Variants in MARCHF1 observed in about 807,000 individuals in gnomAD.
The protein encoded by MARCHF1 is membrane associated ring-CH-type finger 1.
A neutral mutation model predicts 54.2 loss-of-function variants in MARCHF1; 40 were observed. The ratio of observed to expected loss-of-function variants is 0.74; its 90% confidence interval spans 0.57 to 0.96. The LOEUF is 0.96. MARCHF1 is among the 40% of genes least tolerant of loss of function. The pLI is 0.00. For missense variants in MARCHF1, 586 were observed against 656.5 expected (o/e 0.89, Z 1.17); for synonymous variants, 236 against 236.3 (o/e 1.00, Z 0.01).
intron 1 of MARCHF1, among the ~76,000 whole-genome samples, chr4:164,360,999 A>G (rs2110924792): frequency 6.6e-6 from 1 of 151,796 alleles, no homozygotes; most frequent in Non-Finnish European, 1.5e-5. Context: ...CTGTACCATA[A>G]TGACCCTAGA....
intron 4 of MARCHF1, among the ~76,000 whole-genome samples, chr4:163,828,137 A>G (rs1748909070): frequency 1.3e-5 from 2 of 151,950 alleles, no homozygotes. Flanking sequence ...TTTACTTTAA[A>G]AATGTTCTTT....
chr4:163,808,900 T>G (rs1009626510), intron 4 of MARCHF1, among the ~76,000 whole-genome samples: 3 of 152,154 alleles, frequency 2.0e-5, no homozygotes, highest in African/African-American at 7.2e-5. Context: ...CGTTAGTATT[T>G]GAGGAGAAAA....
chr4:164,325,621 C>A (rs192086722), intron 1 of MARCHF1, among the ~76,000 whole-genome samples: 1 of 151,740 alleles, frequency 6.6e-6, no homozygotes, highest in Non-Finnish European at 1.5e-5. Context: ...CTTAGTGATT[C>A]GAGAGGCTGA....
rs1370351551 is a variant in MARCHF1, at chr4:163,873,062, CAAACAAAAAA to C, written c.-38-18903_-38-18894del. 4.5e-5 allele frequency among the ~76,000 whole-genome samples: 6 copies of C among 133,040 alleles called. No individual in the cohort carries two copies. The Admixed American group carries it at 4.7e-4, about 10-fold the overall frequency. 87.3% of individuals were successfully genotyped at this position (133,040 alleles called of 152,430 possible). ...CCGTCTCAAAAAAAAAACAAACAAA[CAAACAAAAAA>C]AAACAAACAAACAAACAAAAAAAAT... is the stretch of plus-strand genomic sequence containing the variant. On this transcript the variant is annotated intron_variant, in intron 3 of 9. Transcript: ENST00000514618.
At chr4:164,244,307 T>C (rs897011038) in intron 1 of MARCHF1, among the ~76,000 whole-genome samples, 1 of 152,062 alleles carries the variant, frequency 6.6e-6, no homozygotes, top group African/African-American at 2.4e-5. Flanking sequence ...AGAATCTCAC[T>C]CAAAACTGCG....
intron 3 of MARCHF1, among the ~76,000 whole-genome samples, chr4:163,868,294 G>T (rs1345681817): frequency 6.6e-6 from 1 of 151,838 alleles, no homozygotes; most frequent in East Asian, 1.9e-4. Context: ...ATACTATTTT[G>T]CTGTCTACAT....
At chr4:164,350,222 A>G (rs1730240317) in intron 1 of MARCHF1, among the ~76,000 whole-genome samples, 1 of 152,240 alleles carries the variant, frequency 6.6e-6, no homozygotes, top group South Asian at 2.1e-4. Flanking sequence ...ACTGTGCAAA[A>G]AGTCTATGTT....
At chr4:164,236,305 G>A (rs933368812) in intron 1 of MARCHF1, among the ~76,000 whole-genome samples, 3 of 152,022 alleles carry the variant, frequency 2.0e-5, no homozygotes, top group Non-Finnish European at 4.4e-5. Context: ...TTTTATTCAT[G>A]TTTTTCTTGA....
intron 1 of MARCHF1, among the ~76,000 whole-genome samples, chr4:164,135,758 A>G (rs1288228306): frequency 6.6e-6 from 1 of 152,352 alleles, no homozygotes; most frequent in East Asian, 1.9e-4. Context: ...TGCATTTGAT[A>G]CTGATGGAGA....
At chr4:163,738,005 G>A (rs1032811330) in intron 4 of MARCHF1, among the ~76,000 whole-genome samples, 25 of 152,264 alleles carry the variant, frequency 1.6e-4, no homozygotes, top group Non-Finnish European at 3.4e-4. Flanking sequence ...AATTGCTTCC[G>A]GAAGCAGTTT....
chr4:163,978,710 T>C (rs1752698424), intron 3 of MARCHF1, among the ~76,000 whole-genome samples: 1 of 152,012 alleles, frequency 6.6e-6, no homozygotes, highest in Admixed American at 6.6e-5. Context: ...TTGTATTTTT[T>C]ACTTCTCTTT....
chr4:163,633,153 G>A lies in MARCHF1; in HGVS notation c.163-19760C>T, dbSNP rs565634111. Among the ~76,000 whole-genome samples, 9 of 152,266 alleles carry A rather than the reference G, an allele frequency of 5.9e-5. No homozygotes were observed. The South Asian group carries it at 1.2e-3, about 21-fold the overall frequency. On this transcript the variant is annotated intron_variant, in intron 5 of 9. Transcript: ENST00000514618. ...AAACCACAAAGATGGGGAAAAAACA[G>A]AACAGAAAAACTGGAAACTCTAAAA...
At chr4:163,830,526 A>C (rs1466804398) in intron 4 of MARCHF1, among the ~76,000 whole-genome samples, 3 of 152,116 alleles carry the variant, frequency 2.0e-5, no homozygotes, top group African/African-American at 7.2e-5. Context: ...CTCATTCTCT[A>C]TTCCTCCCTC....
chr4:164,041,078 T>C (rs1434550621), intron 2 of MARCHF1, among the ~76,000 whole-genome samples: 1 of 152,118 alleles, frequency 6.6e-6, no homozygotes, highest in Admixed American at 6.6e-5. Context: ...GGAATCATAA[T>C]ATAACAAAAC....
intron 2 of MARCHF1, among the ~76,000 whole-genome samples, chr4:164,101,249 G>C (rs1390064545): frequency 6.6e-6 from 1 of 152,108 alleles, no homozygotes; most frequent in Admixed American, 6.5e-5. Flanking sequence ...CTCAAACTGG[G>C]TGGATCCCAC....
At chr4:163,655,800 A>G (rs1743117847) in intron 5 of MARCHF1, among the ~76,000 whole-genome samples, 1 of 152,060 alleles carries the variant, frequency 6.6e-6, no homozygotes, top group African/African-American at 2.4e-5. Flanking sequence ...CTGCTTCTGA[A>G]TGACTCCTGA....
intron 1 of MARCHF1, among the ~76,000 whole-genome samples, chr4:164,274,659 CTTTTTTTTTTTTTTTTTTTTTT>C (rs70952617): frequency 3.8e-4 from 17 of 44,646 alleles, no homozygotes; most frequent in Non-Finnish European, 5.3e-4. Flanking sequence ...TCAGGGTACA[CTTTTTTTTTTTTTTTTTTTTTT>C]TTTTTTTTTT....
rs1320115309 is a variant in MARCHF1 at position 163,613,441 on chromosome 4, T to C, written c.163-48A>G. ...TTGGCATCTTGGTTAAGGTAATACA[T>C]GGTTGATATCTTGCTTTTTTTCCAC... is the stretch of plus-strand genomic sequence containing the variant. On this transcript the variant is annotated intron_variant, in intron 5 of 9. Transcript: ENST00000514618. The C allele has an allele frequency of 2.5e-6, 4 of 1,613,064 alleles. No individual in the cohort carries two copies. In the African/African-American group the frequency reaches 4.0e-5, roughly 16 times the overall value.
At chr4:164,146,489 A>T (rs1169419666) in intron 1 of MARCHF1, among the ~76,000 whole-genome samples, 1 of 152,202 alleles carries the variant, frequency 6.6e-6, no homozygotes, top group Non-Finnish European at 1.5e-5. Context: ...AGATCAATGG[A>T]TCAGAACAGA....
Sources: allele counts gnomAD v4.1 joint callset (sites outside exome capture counted in the v4.1 genomes callset), GRCh38; gene constraint gnomAD v4.1.1; transcripts MANE v1.5; gene names NCBI Gene and HGNC (gene_info 2026-07-23, HGNC 2026-07-21).